Variants in AP1S2 observed in about 807,000 individuals in gnomAD.
AP1S2 encodes the protein AP-1 complex subunit sigma-2.
Under a neutral mutation model 14.3 loss-of-function variants are expected in AP1S2, and 1 was observed. The ratio of observed to expected loss-of-function variants is 0.07; its 90% CI spans 0.02 to 0.33. AP1S2 has a LOEUF of 0.33. AP1S2 is among the 10% of genes least tolerant of loss of function. AP1S2 has a pLI of 0.99. For missense variants in AP1S2, 30 were observed against 117.7 expected (o/e 0.25, Z 3.45); for synonymous variants, 30 against 40.5 (o/e 0.74, Z 0.99).
intron 4 of AP1S2, among the ~76,000 whole-genome samples, chrX:15,829,742 A>C (rs1346515171): frequency 1.8e-5 from 2 of 111,561 alleles, no homozygotes; most frequent in Non-Finnish European, 3.8e-5. Context: ...TATCTATCTA[A>C]AGTAGTAAAA....
At chrX:15,835,465 C>T (rs1046063066) in intron 4 of AP1S2, among the ~76,000 whole-genome samples, 3 of 111,809 alleles carry the variant, frequency 2.7e-5, no homozygotes, top group Non-Finnish European at 5.6e-5. Flanking sequence ...TATCTCACTA[C>T]GATCTATTTT....
chrX:15,850,017 G>A (rs1391307487), intron 2 of AP1S2, among the ~76,000 whole-genome samples: 1 of 111,969 alleles, frequency 8.9e-6, no homozygotes, highest in African/African-American at 3.3e-5. Flanking sequence ...AATGCTCACT[G>A]TAAAATCTAC....
rs754961043 is a variant in AP1S2, at chrX:15,840,508, T to C, written c.426+4871A>G. 1.5e-5 allele frequency: 14 copies of C among 961,819 alleles called. No individual in the cohort carries two copies. In the South Asian group the frequency reaches 2.3e-4, roughly 16 times the overall value. 79.3% of individuals were successfully genotyped at this position (961,819 alleles called of 1,213,427 possible). ...AATTTAGTAGTTACCAATAAATAAG[T>C]TGGGGATCAAAGGGACTAAAGCCTT... On this transcript the variant is annotated intron_variant, in intron 4 of 5. Transcript: ENST00000672987.
At chrX:15,852,671 A>T in intron 1 of AP1S2, 147 bp from the exon 2 acceptor site, 2 of 662,713 alleles carry the variant, frequency 3.0e-6, no homozygotes, top group Non-Finnish European at 4.4e-6. Context: ...CAATTAAAAT[A>T]GCAAGAAATT....
chrX:15,849,458 G>GT (rs1300063883), intron 2 of AP1S2, among the ~76,000 whole-genome samples: 3 of 112,507 alleles, frequency 2.7e-5, no homozygotes, highest in Non-Finnish European at 5.6e-5. Context: ...AGTAGATGAG[G>GT]TTTTCAGTAT....
intron 4 of AP1S2, among the ~76,000 whole-genome samples, chrX:15,839,183 TAA>T (rs1456073219): frequency 1.8e-5 from 2 of 112,237 alleles, no homozygotes; most frequent in Non-Finnish European, 3.8e-5. Context: ...AAACCCTGAT[TAA>T]GTTTACCTAT....
chrX:15,840,698 C>G, intron 4 of AP1S2: 3 of 382,860 alleles, frequency 7.8e-6, no homozygotes, highest in Non-Finnish European at 1.3e-5. Context: ...TTAAATAAAT[C>G]CAACTACATC....
intron 2 of AP1S2, among the ~76,000 whole-genome samples, chrX:15,848,240 A>G (rs1270660747): frequency 8.9e-6 from 1 of 111,761 alleles, no homozygotes; most frequent in African/African-American, 3.3e-5. Flanking sequence ...GAAACATAAT[A>G]ATTAAGTACC....
intron 4 of AP1S2, chrX:15,831,453 A>G: frequency 1.4e-6 from 1 of 700,488 alleles, no homozygotes; most frequent in South Asian, 7.0e-5. Context: ...ATAAATCACC[A>G]TGCTGAGGAT....
rs1299661122 is a variant in AP1S2 at position 15,826,453 on chromosome X, A to C, written c.*872T>G. On this transcript the variant is annotated 3_prime_UTR_variant, in exon 6 of 6. Transcript: ENST00000672987. ...AATTTAGCTTTAACAAGTACCCCAG[A>C]GGGAACATTCGTGCTTTAAACAATG... The C allele has an allele frequency of 8.9e-6, 1 of 112,215 alleles. No individual in the cohort carries two copies. The highest frequency in any genetic ancestry group is 1.9e-5 in the Non-Finnish European group (1 of 53,223). 9.2% of individuals were successfully genotyped at this position (112,215 alleles called of 1,213,427 possible).
chrX:15,835,095 T>C lies in AP1S2; in HGVS notation c.427-6895A>G, dbSNP rs376581038. 5.3e-5 allele frequency among the ~76,000 whole-genome samples: 6 copies of C among 112,312 alleles called. No homozygotes were observed. In the East Asian group the frequency reaches 1.7e-3, roughly 31 times the overall value. The stretch of plus-strand genomic sequence containing the variant: ...GAATTATCTGCAGGCTTAAGTCTTG[T>C]TGACATGAGAAGTGCTTAAGTAAAT... On this transcript the variant is annotated intron_variant, in intron 4 of 5. Transcript: ENST00000672987.
chrX:15,852,110 T>C (rs2147327692), intron 2 of AP1S2, among the ~76,000 whole-genome samples: 1 of 112,597 alleles, frequency 8.9e-6, no homozygotes, highest in African/African-American at 3.2e-5. Flanking sequence ...GAATAATCAT[T>C]TATGCCTTTA....
chrX:15,854,257 T>C (rs1235881457), intron 1 of AP1S2, among the ~76,000 whole-genome samples: 2 of 109,423 alleles, frequency 1.8e-5, no homozygotes, highest in African/African-American at 6.6e-5. Context: ...GGTCCGGCCG[T>C]CGCCGGTGCC....
At chrX:15,854,648 C>A (rs1165462567) in intron 1 of AP1S2, 40 bp downstream of exon 1, 244 of 579,529 alleles carry the variant, frequency 4.2e-4, no homozygotes, top group Non-Finnish European at 4.9e-4. Context: ...CTCCCCCTCT[C>A]CCCCATCCCC....
chrX:15,847,457 G>A (rs969326044), intron 2 of AP1S2, among the ~76,000 whole-genome samples: 3 of 111,492 alleles, frequency 2.7e-5, no homozygotes, highest in Admixed American at 9.5e-5. Flanking sequence ...TATATCATGA[G>A]TTTGTGCATG....
intron 4 of AP1S2, chrX:15,832,817 C>T (rs1933475225): frequency 1.1e-6 from 1 of 944,995 alleles, no homozygotes; most frequent in Admixed American, 5.5e-5. Flanking sequence ...TGGGACTATC[C>T]CTTGGGATTT....
intron 4 of AP1S2, chrX:15,833,233 C>T: frequency 4.0e-6 from 3 of 754,173 alleles, no homozygotes; most frequent in Non-Finnish European, 4.7e-6. Context: ...CCAAACAGGG[C>T]GGAGTATGCA....
At chrX:15,843,763 A>T (rs1428192400) in intron 4 of AP1S2, among the ~76,000 whole-genome samples, 1 of 111,901 alleles carries the variant, frequency 8.9e-6, no homozygotes, top group Non-Finnish European at 1.9e-5. Context: ...AAAAATTCCC[A>T]ATTTCTAATC....
intron 4 of AP1S2, among the ~76,000 whole-genome samples, chrX:15,844,328 G>C (rs1933932195): frequency 1.4e-5 from 1 of 70,815 alleles, no homozygotes; most frequent in Admixed American, 1.6e-4. Context: ...GTCACCTTTG[G>C]TGACTAAAAA....
Sources: allele counts gnomAD v4.1 joint callset (sites outside exome capture counted in the v4.1 genomes callset), GRCh38; gene constraint gnomAD v4.1.1; transcripts MANE v1.5; gene names NCBI Gene and HGNC (gene_info 2026-07-23, HGNC 2026-07-21).